PAK3: variants seen among roughly 807,000 people sequenced by gnomAD.
The protein encoded by PAK3 is serine/threonine-protein kinase PAK 3.
Under a neutral mutation model 41.0 loss-of-function variants are expected in PAK3, and 4 were observed. The ratio of observed to expected loss-of-function variants is 0.10; its 90% confidence interval spans 0.05 to 0.22. PAK3 has a LOEUF of 0.22. Among genes scored for constraint, PAK3 ranks in the 10% least tolerant of loss-of-function variants. The probability of loss-of-function intolerance (pLI) is 1.00; values close to 1 mark genes in which losing one functional copy is unlikely to be tolerated. For synonymous variants in PAK3, 146 were observed against 139.6 expected (o/e 1.05, Z -0.32); for missense variants, 205 against 409.9 (o/e 0.50, Z 4.32).
chrX:111,059,715 GATTT>G (rs1041566627), intron 1 of PAK3, among the ~76,000 whole-genome samples: 3 of 111,398 alleles, frequency 2.7e-5, no homozygotes, highest in Non-Finnish European at 3.8e-5. Context: ...AAAAGAAAAT[GATTT>G]ATTAATTTCA....
chrX:111,033,611 C>T (rs1421392047), intron 1 of PAK3, among the ~76,000 whole-genome samples: 1 of 112,156 alleles, frequency 8.9e-6, no homozygotes, highest in African/African-American at 3.2e-5. Context: ...AGCTAGCCAG[C>T]TATATAGTTA....
At chrX:111,038,892 G>T (rs758966771) in intron 1 of PAK3, among the ~76,000 whole-genome samples, 1 of 111,562 alleles carries the variant, frequency 9.0e-6, no homozygotes, top group South Asian at 3.8e-4. Context: ...TTCTTTGATG[G>T]GTAGTGAGTT....
At chrX:110,962,433 A>G (rs1159188904) in intron 1 of PAK3, among the ~76,000 whole-genome samples, 1 of 112,475 alleles carries the variant, frequency 8.9e-6, no homozygotes, top group Non-Finnish European at 1.9e-5. Flanking sequence ...CTGGACCACT[A>G]CAATATCTTC....
chrX:111,215,505 C>T (rs952895990), intron 16 of PAK3, among the ~76,000 whole-genome samples: 1 of 110,495 alleles, frequency 9.1e-6, no homozygotes, highest in Non-Finnish European at 1.9e-5. Context: ...GTGCCCCGCA[C>T]TCCAGCCTGG....
chrX:111,111,103 C>T (rs1027538013), intron 4 of PAK3, among the ~76,000 whole-genome samples: 1 of 111,682 alleles, frequency 9.0e-6, no homozygotes, highest in Non-Finnish European at 1.9e-5. Flanking sequence ...TGCTGATGGC[C>T]TCCAAACAAA....
chrX:111,073,493 G>A (rs1177340960), intron 1 of PAK3, among the ~76,000 whole-genome samples: 1 of 111,542 alleles, frequency 9.0e-6, no homozygotes, highest in Non-Finnish European at 1.9e-5. Flanking sequence ...AAGAACAAAG[G>A]AGAGAAGACT....
At chrX:111,172,926 A>G (rs909692592) in intron 10 of PAK3, 92 bp from the exon 11 acceptor site, 164 of 563,523 alleles carry the variant, frequency 2.9e-4, no homozygotes, top group Non-Finnish European at 4.8e-4. Context: ...TTCATTATTA[A>G]ATTAAAAAAC....
rs779062186 is a variant in PAK3, at chrX:111,030,255, G to A, written c.-28+85627G>A. Among the ~76,000 whole-genome samples the A allele has an allele frequency of 3.6e-5, 4 of 110,202 alleles. No homozygotes were observed. The South Asian group carries it at 1.6e-3, about 43-fold the overall frequency. On this transcript the variant is annotated intron_variant, in intron 1 of 14. Transcript: ENST00000425146. ...TTTCTAGGCAACATGGTTCATCTCC[G>A]AGTTTTCTTGCCCGTGTTCACTGAG...
Position 111,000,364 on chromosome X carries a change from A to C in PAK3, c.-28+55736A>C, listed in dbSNP as rs760471033. Reference sequence around the variant, plus strand: ...TCACTTCCATAGCATTCTTGCCAAAAAATGCACTACCTTAATCTAACTGTA... The same window carrying C: ...TCACTTCCATAGCATTCTTGCCAAACAATGCACTACCTTAATCTAACTGTA... On this transcript the variant is annotated intron_variant, in intron 1 of 14. Transcript: ENST00000425146. Among the ~76,000 whole-genome samples, 123 of 112,335 alleles carry C rather than the reference A, an allele frequency of 1.1e-3. 1 individual carries two copies. Among genetic ancestry groups the C allele is most frequent in the African/African-American group, 3.9e-3 (121 of 30,893 alleles).
intron 1 of PAK3, among the ~76,000 whole-genome samples, chrX:111,025,320 C>CA (rs1463203524): frequency 9.1e-6 from 1 of 109,582 alleles, no homozygotes; most frequent in African/African-American, 3.3e-5. Flanking sequence ...GAAATTGAAA[C>CA]AAAAAAATAC....
At chrX:111,218,817 A>G (rs1181400494) in intron 17 of PAK3, among the ~76,000 whole-genome samples, 1 of 111,148 alleles carries the variant, frequency 9.0e-6, no homozygotes, top group Non-Finnish European at 1.9e-5. Flanking sequence ...GCAACAGGAA[A>G]AAATGGAGAC....
rs376805567 is a variant in PAK3, at chrX:110,947,669, T to C, written c.-28+3041T>C. 7.1e-5 allele frequency among the ~76,000 whole-genome samples: 8 copies of C among 112,055 alleles called. No individual in the cohort carries two copies. The East Asian group carries it at 2.0e-3, about 28-fold the overall frequency. On this transcript the variant is annotated intron_variant, in intron 1 of 14. Transcript: ENST00000425146. ...TGAATATTGTGACTCTCCAGGAGTA[T>C]AAAATATGCAGCATTTCTCAGATGG... is the stretch of plus-strand genomic sequence containing the variant.
At chrX:111,074,476 C>T (rs965113374) in intron 1 of PAK3, among the ~76,000 whole-genome samples, 1 of 111,901 alleles carries the variant, frequency 8.9e-6, no homozygotes, top group Non-Finnish European at 1.9e-5. Context: ...CGATTATAAG[C>T]TTCCTCAGGC....
intron 3 of PAK3, among the ~76,000 whole-genome samples, chrX:111,100,339 C>G (rs1178040494): frequency 9.0e-6 from 1 of 111,471 alleles, no homozygotes; most frequent in Non-Finnish European, 1.9e-5. Flanking sequence ...AAAAGAAACA[C>G]TATCCTTAAC....
intron 1 of PAK3, among the ~76,000 whole-genome samples, chrX:111,082,470 T>C (rs1211649599): frequency 5.4e-5 from 6 of 111,729 alleles, no homozygotes; most frequent in Admixed American, 9.5e-5. Context: ...CTAAGCTTCA[T>C]GTAGACACCA....
chrX:111,192,885 A>T (rs966362218), intron 13 of PAK3, among the ~76,000 whole-genome samples: 1 of 111,745 alleles, frequency 8.9e-6, no homozygotes, highest in Non-Finnish European at 1.9e-5. Context: ...AGACCATTGC[A>T]TATAGGAGGG....
chrX:111,170,126 A>G (rs1307286971), intron 10 of PAK3, among the ~76,000 whole-genome samples: 1 of 110,870 alleles, frequency 9.0e-6, no homozygotes, highest in Non-Finnish European at 1.9e-5. Context: ...AGTAATGAGG[A>G]AGGAACACAT....
At chrX:111,196,720 T>A in intron 16 of PAK3, 80 bp downstream of exon 16, 1 of 681,658 alleles carries the variant, frequency 1.5e-6, no homozygotes, top group Non-Finnish European at 2.4e-6. Flanking sequence ...CCACCAAAAG[T>A]GACCAGAATG....
At chrX:111,219,229 T>G (rs1416931172) in intron 17 of PAK3, among the ~76,000 whole-genome samples, 7 of 100,451 alleles carry the variant, frequency 7.0e-5, no homozygotes, top group South Asian at 4.2e-4. Context: ...ATAATAATAA[T>G]AATAATAAGC....
Sources: gnomAD v4.1 joint callset for allele counts (sites outside exome capture counted in the v4.1 genomes callset) on GRCh38, gnomAD v4.1.1 for gene constraint, MANE v1.5 for transcripts, NCBI Gene and HGNC (gene_info 2026-07-23, HGNC 2026-07-21) for gene names.